Variants in DRAXIN observed in about 807,000 individuals in gnomAD.
DRAXIN encodes the protein dorsal repulsive axon guidance protein.
Under a neutral mutation model 33.9 loss-of-function variants are expected in DRAXIN, and 27 were observed. That is an observed-to-expected ratio of 0.80 (90% CI 0.59 to 1.10). The LOEUF is 1.10. DRAXIN is among the 50% of genes least tolerant of loss of function. DRAXIN has a pLI of 0.00. For missense variants in DRAXIN, 371 were observed against 460.8 expected (o/e 0.81, Z 1.78); for synonymous variants, 178 against 194.0 (o/e 0.92, Z 0.69).
rs116426131 is a variant in DRAXIN at position 11,709,187 on chromosome 1, G to A, written c.452-88G>A. ...GTCACACAGTGCCTGCTGCCTCCTA[G>A]TTTGCAGCATAAAACGTGGGTTCTA... On this transcript the variant is annotated intron_variant, in intron 2 of 6. Coordinates refer to ENST00000294485, the MANE Select transcript of DRAXIN (RefSeq NM_198545.4). The A allele has an allele frequency of 1.1e-3, 1,451 of 1,372,094 alleles. 15 individuals carry two copies. The African/African-American group carries it at 0.019, about 18-fold the overall frequency. 85.0% of individuals were successfully genotyped at this position (1,372,094 alleles called of 1,614,324 possible). A position where few individuals can be genotyped will look rare whatever the true frequency, so the allele number is the denominator to read the frequency against.
intron 1 of DRAXIN, among the ~76,000 whole-genome samples, chr1:11,698,343 C>T (rs1401725108): frequency 1.3e-5 from 2 of 152,152 alleles, no homozygotes; most frequent in African/African-American, 4.8e-5. Flanking sequence ...CTAGGGGTGT[C>T]AGCTCCACCT....
chr1:11,719,434 T>C, intron 6 of DRAXIN, 150 bp from the exon 7 acceptor site: 1 of 657,784 alleles, frequency 1.5e-6, no homozygotes, highest in Admixed American at 2.8e-5. Flanking sequence ...TCGTGTCTTT[T>C]AAGCTCATTG....
rs143525233 is a variant in DRAXIN at position 11,706,931 on chromosome 1, C to A, written c.451+222C>A. Among the ~76,000 whole-genome samples, 441 of 152,262 alleles carry A rather than the reference C, an allele frequency of 2.9e-3. 2 individuals are homozygous for A. Among genetic ancestry groups the A allele is most frequent in the African/African-American group, 9.9e-3 (413 of 41,566 alleles). ...TGTTGCAATACAATCTGTCTTATCG[C>A]GGCCCGGTGCCGTGGCTCACGCTTG... On this transcript the variant is annotated intron_variant, in intron 2 of 6. Coordinates refer to ENST00000294485, the MANE Select transcript of DRAXIN (RefSeq NM_198545.4). The surrounding 1 kb of genome is among the most constrained non-coding windows in gnomAD (Gnocchi z 5.5).
intron 1 of DRAXIN, among the ~76,000 whole-genome samples, chr1:11,697,288 C>T (rs1641208460): frequency 6.6e-6 from 1 of 152,202 alleles, no homozygotes; most frequent in Non-Finnish European, 1.5e-5. Flanking sequence ...GGCCTCTCAC[C>T]CGGACTGTCT....
At chr1:11,719,466 G>C in intron 6 of DRAXIN, 118 bp from the exon 7 acceptor site, 1 of 860,690 alleles carries the variant, frequency 1.2e-6, no homozygotes, top group Non-Finnish European at 1.8e-6. Flanking sequence ...AGGAAGCTGG[G>C]TTGTAGGGCA....
rs764500654 is a variant in DRAXIN at position 11,724,946 on chromosome 1, G to T, written c.*5250G>T. ...GGAAGGGCAGTTTGCAGAACCAGGG[G>T]TTTATATTGCAGGGAGTGTATTTTC... On this transcript the variant is annotated 3_prime_UTR_variant, in exon 7 of 7. Transcript: ENST00000294485. 15 of 152,264 alleles carry T rather than the reference G, an allele frequency of 9.9e-5. No individual in the cohort carries two copies. Among genetic ancestry groups the T allele is most frequent in the Admixed American group, 5.2e-4 (8 of 15,280 alleles). The allele number at this position is 152,264 out of a possible 1,614,324, so 9.4% of individuals were successfully genotyped here.
At chr1:11,688,325 C>T (rs1305189711), upstream of DRAXIN, among the ~76,000 whole-genome samples, 12 of 152,088 alleles carry the variant, frequency 7.9e-5, no homozygotes, top group Non-Finnish European at 8.8e-5. The surrounding 1 kb of genome is among the most constrained non-coding windows in gnomAD (Gnocchi z 4.6). Context: ...TTTGGGAGGC[C>T]GAGGCTGGCG....
chr1:11,710,000 C>T lies in DRAXIN; in HGVS notation c.642+535C>T, dbSNP rs186599618. 3.9e-3 allele frequency among the ~76,000 whole-genome samples: 600 copies of T among 152,138 alleles called. 5 individuals carry two copies. Among genetic ancestry groups the T allele is most frequent in the African/African-American group, 0.014 (565 of 41,486 alleles). On this transcript the variant is annotated intron_variant, in intron 3 of 6. Transcript: ENST00000294485. ...AGGAGTTCGAGACCAGCCTGGCCAACATAGTGAAACCCCATCTCTACTAAA... is the reference window on the plus strand; with the variant it reads ...AGGAGTTCGAGACCAGCCTGGCCAATATAGTGAAACCCCATCTCTACTAAA...
chr1:11,688,835 CCTTG>C (rs1239245426), upstream of DRAXIN, among the ~76,000 whole-genome samples: 1 of 152,166 alleles, frequency 6.6e-6, no homozygotes, highest in Non-Finnish European at 1.5e-5. This position sits in a 1 kb window ranked among gnomAD's most constrained non-coding sequence, Gnocchi z 4.6. Flanking sequence ...GTCATAAAGA[CCTTG>C]CTGATAAAAC....
rs144098516 is a variant in DRAXIN at position 11,713,217 on chromosome 1, T to C, written c.847+788T>C. 6.2e-3 allele frequency among the ~76,000 whole-genome samples: 944 copies of C among 151,756 alleles called. 17 individuals are homozygous for C. The highest frequency in any genetic ancestry group is 0.04 in the Admixed American group (613 of 15,236). ...CCGTCTCAAAAAAAAAAAAATACAT[T>C]ACTCACAACAACGCAGTTTTCAAGC... On this transcript the variant is annotated intron_variant, in intron 5 of 6. Transcript: ENST00000294485.
At chr1:11,715,025 AGAT>A in intron 5 of DRAXIN, 91 bp from the exon 6 acceptor site, 1 of 1,461,710 alleles carries the variant, frequency 6.8e-7, no homozygotes, top group Non-Finnish European at 9.6e-7. Context: ...CCTGCCACAG[AGAT>A]GATGGATCTC....
chr1:11,696,979 T>C lies in DRAXIN; in HGVS notation c.-11+5126T>C, dbSNP rs1641202478. ...TGAGCCCGTGAGGCAGAAGTTGCAGTGAGCCGAGATCGTGCCATTGCACTC... is the reference window on the plus strand; with the variant it reads ...TGAGCCCGTGAGGCAGAAGTTGCAGCGAGCCGAGATCGTGCCATTGCACTC... On this transcript the variant is annotated intron_variant, in intron 1 of 6. Transcript: ENST00000294485. The surrounding 1 kb of genome is among the most constrained non-coding windows in gnomAD (Gnocchi z 4.7). 6.6e-6 allele frequency among the ~76,000 whole-genome samples: 1 copy of C among 151,008 alleles called. No individual in the cohort carries two copies. The highest frequency in any genetic ancestry group is 2.1e-4 in the South Asian group (1 of 4,792).
At position 11,725,778 on chromosome 1, in the gene DRAXIN, G is replaced by A. The variant is rs1323837837; in HGVS notation, c.*6082G>A. On this transcript the variant is annotated 3_prime_UTR_variant, in exon 7 of 7. Transcript: ENST00000294485. ...TGGGGAGCGGCAGGGGGAGGGGGAAGTGCCACGCCCTTGTAGTTTCATGAT... is the reference window on the plus strand; with the variant it reads ...TGGGGAGCGGCAGGGGGAGGGGGAAATGCCACGCCCTTGTAGTTTCATGAT... 6.6e-6 allele frequency: 1 copy of A among 152,222 alleles called. No individual in the cohort carries two copies. Among genetic ancestry groups the A allele is most frequent in the East Asian group, 1.9e-4 (1 of 5,192 alleles). 9.4% of individuals were successfully genotyped at this position (152,222 alleles called of 1,614,324 possible).
intron 6 of DRAXIN, among the ~76,000 whole-genome samples, chr1:11,717,322 A>C (rs1267996043): frequency 2.0e-5 from 3 of 151,750 alleles, no homozygotes; most frequent in Non-Finnish European, 4.4e-5. Flanking sequence ...CTATAAAGAT[A>C]ATAATATGAT....
At chr1:11,700,149 G>GA (rs1460719194) in intron 1 of DRAXIN, among the ~76,000 whole-genome samples, 1 of 151,408 alleles carries the variant, frequency 6.6e-6, no homozygotes, top group Non-Finnish European at 1.5e-5. Flanking sequence ...AGAATTGCTT[G>GA]AACACGGGAG....
Position 11,715,135 on chromosome 1 carries a change from G to C in DRAXIN, c.864G>C (p.Leu288=). The change falls in exon 6 of 7, where the codon CTG becomes CTC. Residue 288 remains leucine, a synonymous_variant. Coordinates refer to ENST00000294485, the MANE Select transcript of DRAXIN (RefSeq NM_198545.4). ...TGTTGGCAGGGACTTGCTGCGACCT[G>C]CGGGAGCATCTCTGCACACCCCACA... ...QDCLPGTCCD[L]REHLCTPHNR... is the part of the protein sequence containing the mutation. The C allele has an allele frequency of 6.2e-7, 1 of 1,614,272 alleles. No homozygotes were observed. The highest frequency in any genetic ancestry group is 8.5e-7 in the Non-Finnish European group (1 of 1,180,046).
chr1:11,711,201 T>A (rs1641490315), intron 3 of DRAXIN, among the ~76,000 whole-genome samples: 1 of 152,174 alleles, frequency 6.6e-6, no homozygotes, highest in African/African-American at 2.4e-5. Context: ...TGCACCCCCT[T>A]GAGATTGTGA....
rs1014291377 is a variant in DRAXIN at position 11,706,882 on chromosome 1, G to C, written c.451+173G>C. 6.6e-6 allele frequency among the ~76,000 whole-genome samples: 1 copy of C among 152,078 alleles called. No individual in the cohort carries two copies. Among genetic ancestry groups the C allele is most frequent in the African/African-American group, 2.4e-5 (1 of 41,402 alleles). On this transcript the variant is annotated intron_variant, in intron 2 of 6. Transcript: ENST00000294485. This position sits in a 1 kb window ranked among gnomAD's most constrained non-coding sequence, Gnocchi z 5.5. ...GGAGGCTGGGAGAGGCCTGGGGTTG[G>C]GGCATGGGAAGAGGAGAGGGATGTG... is the stretch of plus-strand genomic sequence containing the variant.
intron 5 of DRAXIN, 91 bp from the exon 6 acceptor site, chr1:11,715,028 T>G (rs986684904): frequency 1.4e-6 from 2 of 1,474,694 alleles, no homozygotes; most frequent in Non-Finnish European, 9.5e-7. Context: ...GCCACAGAGA[T>G]GATGGATCTC....
Sources: allele counts gnomAD v4.1 joint callset (sites outside exome capture counted in the v4.1 genomes callset), GRCh38; gene constraint gnomAD v4.1.1; non-coding constraint Gnocchi (gnomAD v3.1); transcripts MANE v1.5; gene names NCBI Gene and HGNC (gene_info 2026-07-23, HGNC 2026-07-21).